The following LMX1B variants were observed in gnomAD, a reference collection of about 807,000 sequenced individuals.
LMX1B encodes the protein LIM homeobox transcription factor 1-beta.
Under a neutral mutation model 51.4 loss-of-function variants are expected in LMX1B, and 12 were observed. That is an observed-to-expected ratio of 0.23 (90% CI 0.15 to 0.38). LMX1B has a LOEUF of 0.38. Among genes scored for constraint, LMX1B ranks in the 10% least tolerant of loss-of-function variants. LMX1B has a pLI of 1.00. For missense variants in LMX1B, 445 were observed against 571.1 expected, an observed-to-expected ratio of 0.78 and a Z score of 2.25; for synonymous variants, 237 against 235.4, an observed-to-expected ratio of 1.01 and a Z score of -0.06.
At chr9:126,682,081 G>GCCTTTTTTTTTTTTTTTTTTT (rs755608375) in intron 2 of LMX1B, among the ~76,000 whole-genome samples, 2 of 81,270 alleles carry the variant, frequency 2.5e-5, no homozygotes, top group African/African-American at 1.1e-4. Flanking sequence ...GGTCCCCAGG[G>GCCTTTTTTTTTTTTTTTTTTT]TCTTTTTTTT....
rs3737048 is a variant in LMX1B at position 126,695,813 on chromosome 9, G to A, written c.887-26G>A. The A allele has an allele frequency of 1.9e-6, 3 of 1,611,100 alleles. No homozygotes were observed. Among genetic ancestry groups the A allele is most frequent in the Non-Finnish European group, 2.5e-6 (3 of 1,179,044 alleles). On this transcript the variant is annotated intron_variant, in intron 6 of 7. Transcript: ENST00000373474. The surrounding 1 kb of genome is among the most constrained non-coding windows in gnomAD (Gnocchi z 5.2). Reference sequence around the variant, plus strand: ...GCTGGGAGGGCGTGGACCAGGCCAGGGGGTGAAGGCTCACTGTGCCCCCAG... The same window carrying A: ...GCTGGGAGGGCGTGGACCAGGCCAGAGGGTGAAGGCTCACTGTGCCCCCAG...
At chr9:126,694,590 C>T (rs372859098) in intron 6 of LMX1B, among the ~76,000 whole-genome samples, 121 of 152,320 alleles carry the variant, frequency 7.9e-4, no homozygotes, top group South Asian at 2.7e-3. Context: ...CCTGGGACTG[C>T]TGAAGCAGGC....
chr9:126,628,228 G>T (rs1835569528), intron 2 of LMX1B, among the ~76,000 whole-genome samples: 1 of 152,150 alleles, frequency 6.6e-6, no homozygotes, highest in Non-Finnish European at 1.5e-5. Context: ...GGACTCAGAG[G>T]GCCAGTGGGC....
rs1483958162 is a variant in LMX1B at position 126,615,359 on chromosome 9, G to A, written c.140-24G>A. On this transcript the variant is annotated intron_variant, in intron 1 of 7. Transcript: ENST00000373474. The surrounding 1 kb of genome is among the most constrained non-coding windows in gnomAD (Gnocchi z 6.0). ...GCTGGGCCGGGCGGCGCTGACGGCC[G>A]GGCTTTCGCCCTGTGCGCTACAGGC... The A allele has an allele frequency of 2.0e-6, 3 of 1,524,772 alleles. No individual in the cohort carries two copies. Among genetic ancestry groups the A allele is most frequent in the Non-Finnish European group, 2.6e-6 (3 of 1,139,432 alleles). The allele number at this position is 1,524,772 out of a possible 1,614,324, so 94.5% of individuals were successfully genotyped here. A position where few individuals can be genotyped will look rare whatever the true frequency, so the allele number is the denominator to read the frequency against.
Position 126,616,552 on chromosome 9 carries a change from G to T in LMX1B, c.326+983G>T, listed in dbSNP as rs77628155. On this transcript the variant is annotated intron_variant, in intron 2 of 7. Coordinates refer to ENST00000373474, the MANE Select transcript of LMX1B (RefSeq NM_001174147.2). ...TCCCCAAAGCTCTGTTGCAGACACA[G>T]CGGGTGCCTGCGAAAACTTTAGTGA... Among the ~76,000 whole-genome samples, 279 of 152,332 alleles carry T rather than the reference G, an allele frequency of 1.8e-3. 1 individual carries two copies. The highest frequency in any genetic ancestry group is 6.5e-3 in the African/African-American group (272 of 41,572).
chr9:126,622,539 C>T (rs1034849245), intron 2 of LMX1B, among the ~76,000 whole-genome samples: 1 of 152,200 alleles, frequency 6.6e-6, no homozygotes, highest in Non-Finnish European at 1.5e-5. Flanking sequence ...GCAGCGGTGA[C>T]GGGAGGGGAG....
chr9:126,640,284 C>T (rs911793062), intron 2 of LMX1B, among the ~76,000 whole-genome samples: 2 of 152,076 alleles, frequency 1.3e-5, no homozygotes, highest in Non-Finnish European at 2.9e-5. Context: ...TCAGAGGGAC[C>T]AGCGGGCAGC....
rs535782865 is a variant in LMX1B, at chr9:126,671,645, G to C, written c.327-19191G>C. Among the ~76,000 whole-genome samples the C allele has an allele frequency of 1.3e-3, 201 of 152,334 alleles. 2 individuals are homozygous for C. The highest frequency in any genetic ancestry group is 4.5e-3 in the African/African-American group (187 of 41,582). ...CTAATCCTGTATCTTTTGAAAGATA[G>C]GCGCACCCCGGGATGAGAGGTCAGC... On this transcript the variant is annotated intron_variant, in intron 2 of 7. Coordinates refer to ENST00000373474, the MANE Select transcript of LMX1B (RefSeq NM_001174147.2). This position sits in a 1 kb window ranked among gnomAD's most constrained non-coding sequence, Gnocchi z 4.4.
rs1440161168 is a variant in LMX1B, at chr9:126,641,837, A to G, written c.326+26268A>G. Among the ~76,000 whole-genome samples, 1 of 152,168 alleles carries G rather than the reference A, an allele frequency of 6.6e-6. No homozygotes were observed. The highest frequency in any genetic ancestry group is 6.5e-5 in the Admixed American group (1 of 15,284). On this transcript the variant is annotated intron_variant, in intron 2 of 7. Transcript: ENST00000373474. The surrounding 1 kb of genome is among the most constrained non-coding windows in gnomAD (Gnocchi z 4.1). ...GCCTCTTGCCACTCACGCGTGAGCA[A>G]TTGTGGTCACAGCTGATGTGCCCCC... is the stretch of plus-strand genomic sequence containing the variant.
chr9:126,620,469 G>A (rs538974946), intron 2 of LMX1B, among the ~76,000 whole-genome samples: 2 of 152,250 alleles, frequency 1.3e-5, no homozygotes, highest in South Asian at 4.2e-4. Flanking sequence ...CCATTCTCCG[G>A]GGGATCCATT....
In LMX1B at chr9:126,696,564, C is replaced by T. The variant is rs558110016; in HGVS notation, c.*113C>T. 1.3e-4 allele frequency: 173 copies of T among 1,295,520 alleles called. 1 individual carries two copies. In the African/African-American group the frequency reaches 1.5e-3, roughly 11 times the overall value. The allele number at this position is 1,295,520 out of a possible 1,614,324, so 80.3% of individuals were successfully genotyped here. ...TCCGCACAGACTACAGACAGCCATA[C>T]GGTGCCCTCCCCTCGGCCAGCTGGG... On this transcript the variant is annotated 3_prime_UTR_variant, in exon 8 of 8. Coordinates refer to ENST00000373474, the MANE Select transcript of LMX1B (RefSeq NM_001174147.2).
chr9:126,697,455 T>G lies in LMX1B; in HGVS notation c.*1004T>G, dbSNP rs2030380996. ...GGTCCTCTCCCCAGCCACCTCTGCC[T>G]CCCCTCACATACCTCCAGTGACAAG... is the stretch of plus-strand genomic sequence containing the variant. On this transcript the variant is annotated 3_prime_UTR_variant, in exon 8 of 8. Transcript: ENST00000373474. 6.6e-6 allele frequency: 1 copy of G among 152,482 alleles called. No individual in the cohort carries two copies. Among genetic ancestry groups the G allele is most frequent in the Admixed American group, 6.5e-5 (1 of 15,274 alleles). The allele number at this position is 152,482 out of a possible 1,614,324, so 9.4% of individuals were successfully genotyped here.
At chr9:126,665,424 T>G (rs919623566) in intron 2 of LMX1B, among the ~76,000 whole-genome samples, 1 of 152,230 alleles carries the variant, frequency 6.6e-6, no homozygotes, top group Non-Finnish European at 1.5e-5. Flanking sequence ...AATGACTATT[T>G]ATTGCTTTAA....
chr9:126,637,237 C>G (rs1231093222), intron 2 of LMX1B, among the ~76,000 whole-genome samples: 2 of 152,232 alleles, frequency 1.3e-5, no homozygotes, highest in Non-Finnish European at 2.9e-5. Flanking sequence ...CTTGGGGACT[C>G]TGGCTTATTC....
In LMX1B at chr9:126,687,030, G is replaced by A. The variant is rs190419177; in HGVS notation, c.327-3806G>A. 4.5e-3 allele frequency among the ~76,000 whole-genome samples: 690 copies of A among 152,246 alleles called. 6 individuals carry two copies. Among genetic ancestry groups the A allele is most frequent in the Non-Finnish European group, 8.0e-3 (547 of 68,012 alleles). On this transcript the variant is annotated intron_variant, in intron 2 of 7. Transcript: ENST00000373474. ...GTGGGGCCCTGTAAACCCAGTCAGC[G>A]TCAGGGAGGCTGCCCCCAGGAATCA...
chr9:126,634,014 A>G (rs372840688), intron 2 of LMX1B, among the ~76,000 whole-genome samples: 1 of 151,912 alleles, frequency 6.6e-6, no homozygotes, highest in East Asian at 1.9e-4. Context: ...TCGGGGATAC[A>G]CCTGGCACAG....
rs1318840464 is a variant in LMX1B at position 126,641,160 on chromosome 9, G to A, written c.326+25591G>A. ...TGGGAAACAGCCTTGGGCCTTCTGG[G>A]GAGGTCTGTGCAGGCTCCTCTGGCC... On this transcript the variant is annotated intron_variant, in intron 2 of 7. Coordinates refer to ENST00000373474, the MANE Select transcript of LMX1B (RefSeq NM_001174147.2). This position sits in a 1 kb window ranked among gnomAD's most constrained non-coding sequence, Gnocchi z 4.1. The A allele has an allele frequency of 6.6e-6, 1 of 152,306 alleles. No individual in the cohort carries two copies. The highest frequency in any genetic ancestry group is 2.1e-4 in the South Asian group (1 of 4,832). 9.4% of individuals were successfully genotyped at this position (152,306 alleles called of 1,614,324 possible). A position where few individuals can be genotyped will look rare whatever the true frequency, so the allele number is the denominator to read the frequency against.
At position 126,691,034 on chromosome 9, in the gene LMX1B, G is replaced by C; in HGVS notation, c.525G>C (p.Leu175=). Residue 175 remains leucine (L), a synonymous_variant, in exon 3 of 8, where the codon CTG becomes CTC. Transcript: ENST00000373474. ...CKGDYEKEKD[L]LSSVSPDESD... ...GTGACTACGAGAAGGAGAAGGACCTGCTCAGCTCCGTGAGCCCCGACGAGT... is the reference window on the plus strand; with the variant it reads ...GTGACTACGAGAAGGAGAAGGACCTCCTCAGCTCCGTGAGCCCCGACGAGT... 6.2e-7 allele frequency: 1 copy of C among 1,613,454 alleles called. No individual in the cohort carries two copies. Among genetic ancestry groups the C allele is most frequent in the Non-Finnish European group, 8.5e-7 (1 of 1,179,706 alleles).
At chr9:126,635,493 C>A (rs1443077346) in intron 2 of LMX1B, among the ~76,000 whole-genome samples, 2 of 152,268 alleles carry the variant, frequency 1.3e-5, no homozygotes, top group Non-Finnish European at 2.9e-5. Context: ...ATTGATGTCA[C>A]AGCACAGTCA....
Sources: allele counts gnomAD v4.1 joint callset (sites outside exome capture counted in the v4.1 genomes callset), GRCh38; gene constraint gnomAD v4.1.1; non-coding constraint Gnocchi (gnomAD v3.1); transcripts MANE v1.5; gene names NCBI Gene and HGNC (gene_info 2026-07-23, HGNC 2026-07-21).